Variants in EPN2 observed in about 807,000 individuals in gnomAD.
The protein encoded by EPN2 is epsin 2, also known as epsin-2.
EPN2 carries 34 observed loss-of-function variants against 61.7 expected under a neutral mutation model. The ratio of observed to expected loss-of-function variants is 0.55; its 90% CI spans 0.42 to 0.73. EPN2 has a LOEUF of 0.73. Among genes scored for constraint, EPN2 ranks in the 30% least tolerant of loss-of-function variants. The probability of loss-of-function intolerance (pLI) is 0.00; values close to 1 mark genes in which losing one functional copy is unlikely to be tolerated. For synonymous variants in EPN2, 349 were observed against 353.6 expected, an observed-to-expected ratio of 0.99 and a Z score of 0.15; for missense variants, 714 against 839.2, an observed-to-expected ratio of 0.85 and a Z score of 1.84.
chr17:19,329,615 A>G lies in EPN2; in HGVS notation c.1379A>G (p.Glu460Gly). ...LNGTIKDDFS[E>G]FDNLRTSKKT... Reference sequence around the variant, plus strand: ...GGTACAATTAAAGATGACTTTTCTGAATTTGACAACCTTCGGACTTCAAAA... The same window carrying G: ...GGTACAATTAAAGATGACTTTTCTGGATTTGACAACCTTCGGACTTCAAAA... Residue 460 changes from glutamate to glycine, a missense_variant, in exon 9 of 11, where the codon GAA becomes GGA. Physicochemically the swap from Glu to Gly is moderately conservative, Grantham distance 98. Transcript: ENST00000314728. 6.2e-7 allele frequency: 1 copy of G among 1,613,270 alleles called. No individual in the cohort carries two copies. Among genetic ancestry groups the G allele is most frequent in the Non-Finnish European group, 8.5e-7 (1 of 1,179,252 alleles).
rs552467432 is a variant in EPN2 at position 19,294,357 on chromosome 17, C to T, written c.766+8567C>T. ...ATCGCCTGAGCTCAGGAAGTCCAGG[C>T]TGCAGTGAACCAAGATTGTGCCACT... On this transcript the variant is annotated intron_variant, in intron 4 of 10. Coordinates refer to ENST00000314728, the MANE Select transcript of EPN2 (RefSeq NM_014964.5). Among the ~76,000 whole-genome samples, 5 of 152,298 alleles carry T rather than the reference C, an allele frequency of 3.3e-5. No homozygotes were observed. The East Asian group carries it at 9.7e-4, about 29-fold the overall frequency.
At chr17:19,329,487 G>A (rs1457181307) in intron 8 of EPN2, 74 bp from the exon 9 acceptor site, 17 of 864,594 alleles carry the variant, frequency 2.0e-5, no homozygotes, top group Non-Finnish European at 3.1e-5. Context: ...CATCCTGAGG[G>A]TGTGCACTGG....
intron 1 of EPN2, among the ~76,000 whole-genome samples, chr17:19,275,064 C>T (rs1472772466): frequency 1.3e-5 from 2 of 152,182 alleles, no homozygotes; most frequent in Non-Finnish European, 2.9e-5. Context: ...TGATCCCAGA[C>T]TTTGGTTGGG....
chr17:19,250,359 G>A (rs956236290), intron 1 of EPN2, among the ~76,000 whole-genome samples: 1 of 152,134 alleles, frequency 6.6e-6, no homozygotes, highest in Non-Finnish European at 1.5e-5. Context: ...GCCTCCCAAA[G>A]TGCTGGGATT....
chr17:19,256,667 G>A (rs1210629045), intron 1 of EPN2, among the ~76,000 whole-genome samples: 1 of 152,012 alleles, frequency 6.6e-6, no homozygotes, highest in East Asian at 1.9e-4. Flanking sequence ...GCTCTGAGGG[G>A]CTCCTCTCCT....
chr17:19,301,092 C>G (rs1388443089), intron 4 of EPN2, among the ~76,000 whole-genome samples: 2 of 152,214 alleles, frequency 1.3e-5, no homozygotes, highest in East Asian at 3.9e-4. Context: ...AAGGAGCCTG[C>G]GTGGCAGGTG....
chr17:19,326,963 A>G (rs1906906794), intron 7 of EPN2, among the ~76,000 whole-genome samples: 1 of 152,124 alleles, frequency 6.6e-6, no homozygotes, highest in South Asian at 2.1e-4. Flanking sequence ...GAACAGGGAA[A>G]TGCACATCAA....
chr17:19,292,241 G>A (rs1038038935), intron 4 of EPN2, among the ~76,000 whole-genome samples: 4 of 152,210 alleles, frequency 2.6e-5, no homozygotes, highest in African/African-American at 9.6e-5. Context: ...GAACTAGGAG[G>A]GCAGCAGGGC....
At chr17:19,275,513 G>A (rs773524245) in intron 1 of EPN2, among the ~76,000 whole-genome samples, 1 of 152,230 alleles carries the variant, frequency 6.6e-6, no homozygotes. Context: ...GTGTGTTCCA[G>A]CAGCTTAGCA....
chr17:19,289,166 G>T (rs1407456220), intron 4 of EPN2, among the ~76,000 whole-genome samples: 2 of 136,618 alleles, frequency 1.5e-5, no homozygotes, highest in African/African-American at 2.8e-5. Context: ...CTTACTGCAA[G>T]CTCTGCCTCC....
At chr17:19,332,244 T>G (rs1907196866) in intron 10 of EPN2, among the ~76,000 whole-genome samples, 176 bp downstream of exon 10, 2 of 151,942 alleles carry the variant, frequency 1.3e-5, no homozygotes, top group African/African-American at 2.4e-5. Context: ...TGGAAGCCGT[T>G]GTCAGTTATG....
chr17:19,276,531 C>G (rs1254074351), intron 1 of EPN2: 5 of 151,816 alleles, frequency 3.3e-5, no homozygotes. Flanking sequence ...TGACAGCTCT[C>G]TTGGAAGGTA....
At chr17:19,280,673 T>C (rs2045351004) in intron 1 of EPN2, among the ~76,000 whole-genome samples, 1 of 152,224 alleles carries the variant, frequency 6.6e-6, no homozygotes, top group African/African-American at 2.4e-5. Flanking sequence ...TGCTTTTTCC[T>C]ATTTTCTCAC....
chr17:19,319,649 T>A (rs772837699), intron 7 of EPN2, among the ~76,000 whole-genome samples: 13 of 151,318 alleles, frequency 8.6e-5, no homozygotes, highest in Non-Finnish European at 1.8e-4. Flanking sequence ...TTTTATTTTT[T>A]ATTTTTATTT....
intron 10 of EPN2, among the ~76,000 whole-genome samples, chr17:19,332,425 G>T (rs182072217): frequency 6.6e-6 from 1 of 152,108 alleles, no homozygotes; most frequent in Non-Finnish European, 1.5e-5. Flanking sequence ...AGGGTTTGGC[G>T]TGTAGCATTC....
intron 7 of EPN2, among the ~76,000 whole-genome samples, chr17:19,324,206 A>G (rs552649073): frequency 1.3e-5 from 2 of 152,404 alleles, no homozygotes; most frequent in African/African-American, 2.4e-5. Flanking sequence ...TTCTGATCAC[A>G]GTACACTTAT....
chr17:19,260,532 A>G (rs2045130177), intron 1 of EPN2, among the ~76,000 whole-genome samples: 1 of 150,970 alleles, frequency 6.6e-6, no homozygotes, highest in South Asian at 2.1e-4. Context: ...GCTGGTGGTC[A>G]CTCCTGGGCT....
In EPN2 at chr17:19,335,051, A is replaced by G. The variant is rs1010840782; in HGVS notation, c.*797A>G. The stretch of plus-strand genomic sequence containing the variant: ...TCCTCTTATTTATGGTTTTAACTCT[A>G]AGAAAATTTTAAAAGGAAGAGATGT... On this transcript the variant is annotated 3_prime_UTR_variant, in exon 11 of 11. Transcript: ENST00000314728. 9 of 172,306 alleles carry G rather than the reference A, an allele frequency of 5.2e-5. No individual in the cohort carries two copies. The highest frequency in any genetic ancestry group is 2.1e-4 in the African/African-American group (9 of 42,106). The allele number at this position is 172,306 out of a possible 1,614,324, so 10.7% of individuals were successfully genotyped here.
chr17:19,239,178 GTC>G (rs1258514152), intron 1 of EPN2, among the ~76,000 whole-genome samples: 1 of 152,190 alleles, frequency 6.6e-6, no homozygotes, highest in East Asian at 1.9e-4. Context: ...TTGAGACGGA[GTC>G]TCTGTCACCC....
Sources: allele counts gnomAD v4.1 joint callset (sites outside exome capture counted in the v4.1 genomes callset), GRCh38; gene constraint gnomAD v4.1.1; transcripts MANE v1.5; gene names NCBI Gene and HGNC (gene_info 2026-07-23, HGNC 2026-07-21).